The following HLA-DQB1 variants were observed in gnomAD, a reference collection of about 807,000 sequenced individuals.
The protein encoded by HLA-DQB1 is HLA class II histocompatibility antigen, DQ beta 1 chain.
In HLA-DQB1, 13 loss-of-function variants were observed where a neutral mutation model predicts 26.4. The observed-to-expected ratio is 0.49, with a 90% CI of 0.32 to 0.78. The LOEUF (loss-of-function observed/expected upper bound fraction) is 0.78, where lower values mean the gene tolerates loss of function less well. HLA-DQB1 is among the 30% of genes least tolerant of loss of function. The pLI is 0.03. For missense variants in HLA-DQB1, 158 were observed against 326.2 expected (o/e 0.48, Z 3.97); for synonymous variants, 60 against 129.1 (o/e 0.46, Z 3.63).
At chr6:32,661,729 C>G (rs66967821) in intron 3 of HLA-DQB1, 100,157 of 450,580 alleles carry the variant, frequency 0.22, 17,219 homozygotes, top group South Asian at 0.28. Flanking sequence ...GAATCAGTCC[C>G]TCAGAGCTAT....
chr6:32,661,470 A>AC lies in HLA-DQB1; in HGVS notation c.662-14dup, dbSNP rs780009309. 321,746 of 861,894 alleles carry AC rather than the reference A, an allele frequency of 0.37. 91,313 individuals carry two copies. Among genetic ancestry groups the AC allele is most frequent in the South Asian group, 0.41 (22,344 of 53,868 alleles). The allele number at this position is 861,894 out of a possible 1,614,324, so 53.4% of individuals were successfully genotyped here. A position where few individuals can be genotyped will look rare whatever the true frequency, so the allele number is the denominator to read the frequency against. Reference sequence around the variant, plus strand: ...TCAGACTGAGCCCCTAAAGAGCAGAACTGAGTGTCTGTGTTTGTCCCCACA... The same window carrying AC: ...TCAGACTGAGCCCCTAAAGAGCAGAACCTGAGTGTCTGTGTTTGTCCCCACA... On this transcript the variant is annotated splice_polypyrimidine_tract_variant and intron_variant, in intron 3 of 4. Coordinates refer to ENST00000434651, the Ensembl canonical transcript of HLA-DQB1.
At chr6:32,662,243 G>A (rs761742182) in exon 3 of HLA-DQB1, 2 of 1,367,612 alleles carry the variant, frequency 1.5e-6, no homozygotes, top group Non-Finnish European at 2.0e-6. Flanking sequence ...GTCACTGTGG[G>A]CTCCACTGAG....
chr6:32,660,973 A>T, intron 4 of HLA-DQB1: 1 of 767,326 alleles, frequency 1.3e-6, no homozygotes, highest in Non-Finnish European at 2.2e-6. Flanking sequence ...ACTTAGAGTT[A>T]CATTCTCTTC....
chr6:32,666,069 A>C (rs281861207), intron 1 of HLA-DQB1, among the ~76,000 whole-genome samples: 1 of 119,278 alleles, frequency 8.4e-6, no homozygotes, highest in Non-Finnish European at 1.8e-5. Context: ...AATTTTCCTC[A>C]AATACAGAGA....
In HLA-DQB1 at chr6:32,661,893, G is replaced by A. The variant is rs281864185; in HGVS notation, c.661+74C>T. On this transcript the variant is annotated intron_variant, in intron 3 of 4. Transcript: ENST00000434651. ...CTCAGTAGTGACATCAGGGATAAGA[G>A]ATGGGAAGGAATGGGTCAGAAGGAG... The A allele has an allele frequency of 5.1e-5, 56 of 1,087,642 alleles. 2 individuals carry two copies. In the African/African-American group the frequency reaches 8.8e-4, roughly 17 times the overall value. 67.4% of individuals were successfully genotyped at this position (1,087,642 alleles called of 1,614,324 possible).
At chr6:32,661,905 T>G (rs281864177) in intron 3 of HLA-DQB1, 62 bp downstream of exon 3, 1 of 1,125,992 alleles carries the variant, frequency 8.9e-7, no homozygotes, top group South Asian at 1.5e-5. Flanking sequence ...TGGGAAGGAA[T>G]GGGTCAGAAG....
intron 1 of HLA-DQB1, 106 bp downstream of exon 1, chr6:32,666,392 TG>T (rs41315791): frequency 0.14 from 61,013 of 442,326 alleles, 7,556 homozygotes; most frequent in Middle Eastern, 0.26. Flanking sequence ...GAAATGTTGA[TG>T]AAAGATTGTG....
At chr6:32,666,262 C>CT (rs138047662) in intron 1 of HLA-DQB1, among the ~76,000 whole-genome samples, 56,697 of 125,956 alleles carry the variant, frequency 0.45, 11,195 homozygotes, top group Middle Eastern at 0.63. Context: ...TTTATCTCCT[C>CT]TTTCTCTCCT....
intron 1 of HLA-DQB1, among the ~76,000 whole-genome samples, chr6:32,665,579 T>TATG: frequency 8.5e-6 from 1 of 118,002 alleles, no homozygotes; most frequent in Non-Finnish European, 1.8e-5. Context: ...CCAAGTCCCG[T>TATG]TGAGGTTCAC....
chr6:32,661,924 T>TA, intron 3 of HLA-DQB1, 43 bp downstream of exon 3: 2 of 1,221,612 alleles, frequency 1.6e-6, no homozygotes, highest in Non-Finnish European at 2.2e-6. Context: ...AGGAGCTCTT[T>TA]GTCTTGTGGG....
chr6:32,663,901 A>G lies in HLA-DQB1; in HGVS notation c.379+897T>C, dbSNP rs281862814. The G allele has an allele frequency of 3.0e-5, 3 of 99,706 alleles. 1 individual carries two copies. The highest frequency in any genetic ancestry group is 6.8e-5 in the Non-Finnish European group (3 of 44,332). 6.2% of individuals were successfully genotyped at this position (99,706 alleles called of 1,614,324 possible). Reference sequence around the variant, plus strand: ...GTGCTATTTGTTCAGCTTTTCTAAGAAATTAAAACTCTGCCTTACAACATC... The same window carrying G: ...GTGCTATTTGTTCAGCTTTTCTAAGGAATTAAAACTCTGCCTTACAACATC... On this transcript the variant is annotated intron_variant, in intron 2 of 4. Coordinates refer to ENST00000434651, the Ensembl canonical transcript of HLA-DQB1.
In HLA-DQB1 at chr6:32,661,935, C is replaced by A. The variant is rs9273901; in HGVS notation, c.661+32G>T. 9 of 1,373,776 alleles carry A rather than the reference C, an allele frequency of 6.6e-6. No homozygotes were observed. The South Asian group carries it at 1.1e-4, about 16-fold the overall frequency. The allele number at this position is 1,373,776 out of a possible 1,614,324, so 85.1% of individuals were successfully genotyped here. On this transcript the variant is annotated intron_variant, in intron 3 of 4. Transcript: ENST00000434651. The stretch of plus-strand genomic sequence containing the variant: ...CAGAAGGAGCTCTTTGTCTTGTGGG[C>A]CCATAGTAACAGAAACTCAATATCC...
intron 1 of HLA-DQB1, 45 bp from the exon 2 acceptor site, chr6:32,665,112 C>CCCGTCCA: frequency 2.0e-6 from 2 of 1,021,106 alleles, no homozygotes; most frequent in Non-Finnish European, 2.7e-6. Flanking sequence ...AGCCCGGCCG[C>CCCGTCCA]CCCCGCAGCC....
intron 3 of HLA-DQB1, 63 bp downstream of exon 3, chr6:32,661,904 A>C: frequency 8.9e-7 from 1 of 1,121,112 alleles, no homozygotes; most frequent in Non-Finnish European, 1.3e-6. Flanking sequence ...ATGGGAAGGA[A>C]TGGGTCAGAA....
chr6:32,660,583 ATC>A (rs1397849352), intron 4 of HLA-DQB1: 10,924 of 379,472 alleles, frequency 0.029, 1,626 homozygotes, highest in East Asian at 0.2. Flanking sequence ...AGTAGCCACC[ATC>A]ATGTGGCACA....
rs9273652 is a variant in HLA-DQB1, at chr6:32,661,426, C to A, written c.693G>T (p.Met231Ile). Residue 231 changes from methionine (M) to isoleucine (I), a missense_variant, in exon 4 of 5, where the codon ATG (methionine) becomes ATT (isoleucine). Transcript: ENST00000434651. ...GCACGAAGCCTCCAACGCCACTCAG[C>A]ATCTTGCTCTGGGCAGATTCAGACT... The A allele has an allele frequency of 1.5e-5, 18 of 1,206,736 alleles. 2 individuals are homozygous for A. Among genetic ancestry groups the A allele is most frequent in the Non-Finnish European group, 2.1e-5 (18 of 872,090 alleles). 74.8% of individuals were successfully genotyped at this position (1,206,736 alleles called of 1,614,324 possible). A position where few individuals can be genotyped will look rare whatever the true frequency, so the allele number is the denominator to read the frequency against.
At position 32,665,450 on chromosome 6, in the gene HLA-DQB1, C is replaced by T. The variant is rs281861725; in HGVS notation, c.110-383G>A. 0.018 allele frequency among the ~76,000 whole-genome samples: 2,423 copies of T among 137,402 alleles called. 443 individuals are homozygous for T. The East Asian group carries it at 0.19, about 11-fold the overall frequency. 90.1% of individuals were successfully genotyped at this position (137,402 alleles called of 152,430 possible). On this transcript the variant is annotated intron_variant, in intron 1 of 4. Coordinates refer to ENST00000434651, the Ensembl canonical transcript of HLA-DQB1. ...CAGAGATAAAGTTATCCACATAAAT[C>T]TGAGAGTTCAACGGAATGACGAGAT...
In HLA-DQB1 at chr6:32,659,997, C is replaced by A. The variant is rs910854110; in HGVS notation, c.*239G>T. 12 of 296,826 alleles carry A rather than the reference C, an allele frequency of 4.0e-5. 1 individual carries two copies. The highest frequency in any genetic ancestry group is 3.2e-5 in the Non-Finnish European group (5 of 158,272). The allele number at this position is 296,826 out of a possible 1,614,324, so 18.4% of individuals were successfully genotyped here. ...GAATAGAAACAGAAACCCCTTGGGA[C>A]CTGAGTAGACGCAGCTGGCCATGCA... On this transcript the variant is annotated 3_prime_UTR_variant, in exon 5 of 5. Transcript: ENST00000434651.
chr6:32,664,461 TG>T, intron 2 of HLA-DQB1: 1 of 144,232 alleles, frequency 6.9e-6, no homozygotes, highest in Non-Finnish European at 1.3e-5. Flanking sequence ...GGGTGGGCAC[TG>T]GGGGCAGAGA....
Sources: gnomAD v4.1 joint callset for allele counts (sites outside exome capture counted in the v4.1 genomes callset) on GRCh38, gnomAD v4.1.1 for gene constraint, MANE v1.5 for transcripts, NCBI Gene and HGNC (gene_info 2026-07-23, HGNC 2026-07-21) for gene names.